The following SERINC3 variants were observed in gnomAD, a reference collection of about 807,000 sequenced individuals.
SERINC3 encodes serine incorporator 3.
A neutral mutation model predicts 52.1 loss-of-function variants in SERINC3; 22 were observed. That is an observed-to-expected ratio of 0.42 (90% confidence interval 0.30 to 0.60). SERINC3 has a LOEUF of 0.60. Among genes scored for constraint, SERINC3 ranks in the 20% least tolerant of loss-of-function variants. SERINC3 has a pLI of 0.16. For synonymous variants in SERINC3, 226 were observed against 212.7 expected (o/e 1.06, Z -0.54); for missense variants, 564 against 584.6 (o/e 0.96, Z 0.36).
rs1233838198 is a variant in SERINC3, at chr20:44,504,729, T to G, written c.874+72A>C. On this transcript the variant is annotated intron_variant, in intron 7 of 9. Coordinates refer to ENST00000342374, the MANE Select transcript of SERINC3 (RefSeq NM_006811.4). Reference sequence around the variant, plus strand: ...TCACATTTGCTCTAGCTCTAGTTTTTGTACCAACTATGTAAAGGCTGATTT... The same window carrying G: ...TCACATTTGCTCTAGCTCTAGTTTTGGTACCAACTATGTAAAGGCTGATTT... 4 of 1,260,526 alleles carry G rather than the reference T, an allele frequency of 3.2e-6. No homozygotes were observed. In the East Asian group the frequency reaches 9.4e-5, roughly 30 times the overall value. 78.1% of individuals were successfully genotyped at this position (1,260,526 alleles called of 1,614,324 possible).
intron 7 of SERINC3, 50 bp from the exon 8 acceptor site, chr20:44,504,045 CAAG>C (rs768253221): frequency 1.4e-6 from 2 of 1,474,158 alleles, no homozygotes; most frequent in Admixed American, 4.9e-5. Context: ...CATCTTGTTC[CAAG>C]AAAGAACTTG....
intron 1 of SERINC3, among the ~76,000 whole-genome samples, chr20:44,517,558 A>T (rs898187377): frequency 1.3e-5 from 2 of 151,948 alleles, no homozygotes; most frequent in Non-Finnish European, 2.9e-5. Flanking sequence ...CTACAAGCCA[A>T]GGAACATCAA....
chr20:44,497,393 C>T (rs2064254366), downstream of SERINC3: 1 of 152,206 alleles, frequency 6.6e-6, no homozygotes, highest in Non-Finnish European at 1.5e-5. Context: ...GACACTGCCT[C>T]CCGACTTTTA....
At chr20:44,520,197 G>A (rs1003593894) in intron 1 of SERINC3, among the ~76,000 whole-genome samples, 1 of 152,120 alleles carries the variant, frequency 6.6e-6, no homozygotes, top group South Asian at 2.1e-4. Context: ...CCAACATGGC[G>A]AAATCCCGTC....
chr20:44,496,228 ACTGT>A (rs2064248635), downstream of SERINC3: 1 of 152,352 alleles, frequency 6.6e-6, no homozygotes, highest in Non-Finnish European at 1.5e-5. Context: ...GCATGTGGAT[ACTGT>A]CTGTTTAATG....
intron 9 of SERINC3, 131 bp from the exon 10 acceptor site, chr20:44,500,565 G>A: frequency 1.1e-6 from 1 of 931,606 alleles, no homozygotes; most frequent in Non-Finnish European, 1.6e-6. Flanking sequence ...CAGTAGGGTT[G>A]AAGGGGACCA....
Position 44,511,273 on chromosome 20 carries a change from C to T in SERINC3, c.475+16G>A, listed in dbSNP as rs1207172270. On this transcript the variant is annotated intron_variant, in intron 4 of 9. Coordinates refer to ENST00000342374, the MANE Select transcript of SERINC3 (RefSeq NM_006811.4). Reference sequence around the variant, plus strand: ...TTATATAGTTTAAAATTAACCCCCTCAATGGTGAACCCTACCTGAGCTGAA... The same window carrying T: ...TTATATAGTTTAAAATTAACCCCCTTAATGGTGAACCCTACCTGAGCTGAA... 1 of 1,555,902 alleles carries T rather than the reference C, an allele frequency of 6.4e-7. No homozygotes were observed. The highest frequency in any genetic ancestry group is 1.4e-5 in the African/African-American group (1 of 73,582).
chr20:44,508,404 G>A (rs1435038102), intron 5 of SERINC3, among the ~76,000 whole-genome samples: 3 of 152,052 alleles, frequency 2.0e-5, no homozygotes, highest in African/African-American at 4.8e-5. Context: ...GGGAGGCTGA[G>A]GTGGATAGCT....
intron 6 of SERINC3, among the ~76,000 whole-genome samples, chr20:44,506,519 A>G (rs1407750425): frequency 7.7e-6 from 1 of 129,176 alleles, no homozygotes; most frequent in Non-Finnish European, 1.6e-5. Flanking sequence ...CAGGAGGCAG[A>G]GGTTGCAGTG....
rs2064260085 is a variant in SERINC3 at position 44,498,404 on chromosome 20, C to T, written c.*1892G>A. 6.6e-6 allele frequency: 1 copy of T among 152,136 alleles called. No individual in the cohort carries two copies. The highest frequency in any genetic ancestry group is 2.4e-5 in the African/African-American group (1 of 41,412). The allele number at this position is 152,136 out of a possible 1,614,324, so 9.4% of individuals were successfully genotyped here. A position where few individuals can be genotyped will look rare whatever the true frequency, so the allele number is the denominator to read the frequency against. On this transcript the variant is annotated 3_prime_UTR_variant, in exon 10 of 10. Coordinates refer to ENST00000342374, the MANE Select transcript of SERINC3 (RefSeq NM_006811.4). ...CCTGGCTAACATGGTGAAACCCTGT[C>T]TCTACTAAAAATACAAAAAAAATTA... is the stretch of plus-strand genomic sequence containing the variant.
At chr20:44,508,632 C>T (rs2064329317) in intron 5 of SERINC3, among the ~76,000 whole-genome samples, 1 of 152,098 alleles carries the variant, frequency 6.6e-6, no homozygotes, top group Non-Finnish European at 1.5e-5. Context: ...GAATGGAATA[C>T]CATGCAGCTT....
At chr20:44,520,506 A>T (rs901201080) in intron 1 of SERINC3, among the ~76,000 whole-genome samples, 10 of 152,250 alleles carry the variant, frequency 6.6e-5, no homozygotes, top group African/African-American at 2.2e-4. Flanking sequence ...ATACAGAAAC[A>T]GAAAACCAAA....
intron 8 of SERINC3, among the ~76,000 whole-genome samples, chr20:44,503,105 A>C (rs959705611): frequency 6.6e-6 from 1 of 152,234 alleles, no homozygotes; most frequent in African/African-American, 2.4e-5. Flanking sequence ...AAATGGTTTA[A>C]GTAAAGAAGA....
intron 4 of SERINC3, among the ~76,000 whole-genome samples, chr20:44,510,539 C>T (rs1055968373): frequency 9.9e-5 from 15 of 152,182 alleles, no homozygotes; most frequent in African/African-American, 2.9e-4. Context: ...TGCAGCCGGG[C>T]GTGGTGGCTC....
chr20:44,497,167 T>TC (rs1201855896), downstream of SERINC3, among the ~76,000 whole-genome samples: 25 of 152,170 alleles, frequency 1.6e-4, no homozygotes, highest in Admixed American at 1.4e-3. Flanking sequence ...ATAAAGGTAC[T>TC]CATCTGGAAT....
chr20:44,506,294 A>AAAAAAAGAC (rs2064312348), intron 6 of SERINC3, among the ~76,000 whole-genome samples: 1 of 150,458 alleles, frequency 6.6e-6, no homozygotes. Context: ...AAAAAAAAAA[A>AAAAAAAGAC]AAAAAAGACT....
chr20:44,505,864 T>C (rs1251375579), intron 6 of SERINC3, among the ~76,000 whole-genome samples: 4 of 152,136 alleles, frequency 2.6e-5, no homozygotes, highest in African/African-American at 9.7e-5. Context: ...CCTCCCAAAG[T>C]GCTGGGATTA....
intron 2 of SERINC3, among the ~76,000 whole-genome samples, chr20:44,513,240 T>C (rs989232012): frequency 2.0e-5 from 3 of 152,088 alleles, no homozygotes; most frequent in Non-Finnish European, 2.9e-5. Flanking sequence ...AATCCCAGTA[T>C]TTTGGGGGAC....
chr20:44,500,895 T>C (rs1274216923), intron 9 of SERINC3, among the ~76,000 whole-genome samples, 178 bp downstream of exon 9: 1 of 152,120 alleles, frequency 6.6e-6, no homozygotes, highest in Admixed American at 6.5e-5. Flanking sequence ...TCCCAATGAT[T>C]TGCATTGCAA....
Sources: gnomAD v4.1 joint callset for allele counts (sites outside exome capture counted in the v4.1 genomes callset) on GRCh38, gnomAD v4.1.1 for gene constraint, MANE v1.5 for transcripts, NCBI Gene and HGNC (gene_info 2026-07-23, HGNC 2026-07-21) for gene names.